FNIP1: variants seen among roughly 807,000 people sequenced by gnomAD.
FNIP1 encodes the protein folliculin-interacting protein 1.
Under a neutral mutation model 124.5 loss-of-function variants are expected in FNIP1, and 40 were observed. The observed-to-expected ratio is 0.32, with a 90% CI of 0.25 to 0.42. The LOEUF (loss-of-function observed/expected upper bound fraction) is 0.42, where lower values mean the gene tolerates loss of function less well. FNIP1 is among the 10% of genes least tolerant of loss of function. FNIP1 has a pLI of 1.00. For missense variants in FNIP1, 1,176 were observed against 1,403.7 expected (o/e 0.84, Z 2.59); for synonymous variants, 472 against 470.6 (o/e 1.00, Z -0.04).
rs1767755256 is a variant in FNIP1 at position 131,671,675 on chromosome 5, T to C, written c.2769A>G (p.Lys923=). The C allele has an allele frequency of 6.2e-7, 1 of 1,614,202 alleles. No individual in the cohort carries two copies. The highest frequency in any genetic ancestry group is 1.1e-5 in the South Asian group (1 of 91,090). The part of the protein sequence containing the change: ...VPHGDKESSD[K]KIAVGTEWDI... ...CCCATTCAGTTCCTACAGCAATTTT[T>C]TTATCTGAACTCTCTTTATCCCCAT... The change falls in exon 14 of 18, where the codon AAA becomes AAG. Residue 923 remains lysine (K), a synonymous_variant. Transcript: ENST00000510461.
At chr5:131,770,131 T>A (rs897013201) in intron 1 of FNIP1, among the ~76,000 whole-genome samples, 1 of 152,160 alleles carries the variant, frequency 6.6e-6, no homozygotes, top group Non-Finnish European at 1.5e-5. Flanking sequence ...CAAGTCCACA[T>A]ACACATTCCT....
intron 2 of FNIP1, among the ~76,000 whole-genome samples, chr5:131,737,728 C>G (rs1204333090): frequency 6.6e-6 from 1 of 152,100 alleles, no homozygotes; most frequent in Non-Finnish European, 1.5e-5. Context: ...TTAGCTGCTG[C>G]TATCATTATT....
At chr5:131,700,649 C>T (rs886513367) in intron 10 of FNIP1, among the ~76,000 whole-genome samples, 4 of 151,860 alleles carry the variant, frequency 2.6e-5, no homozygotes, top group South Asian at 2.1e-4. Context: ...ATCAGCAATG[C>T]TATTTTTAAA....
intron 2 of FNIP1, among the ~76,000 whole-genome samples, chr5:131,735,898 G>C (rs1770287624): frequency 6.6e-6 from 1 of 151,802 alleles, no homozygotes; most frequent in Non-Finnish European, 1.5e-5. Context: ...TATCTCCACA[G>C]AGCTGGGACT....
At position 131,735,389 on chromosome 5, in the gene FNIP1, C is replaced by T. The variant is rs977119368; in HGVS notation, c.220-4351G>A. ...CGAGTTAATGGGTGCAGCACACCAA[C>T]ATGGGACATGTATAGATATGTAACA... On this transcript the variant is annotated intron_variant, in intron 2 of 17. Transcript: ENST00000510461. Among the ~76,000 whole-genome samples the T allele has an allele frequency of 2.6e-5, 4 of 151,608 alleles. No individual in the cohort carries two copies. The East Asian group carries it at 7.7e-4, about 29-fold the overall frequency.
chr5:131,759,428 A>C (rs1771153249), intron 1 of FNIP1, among the ~76,000 whole-genome samples: 1 of 152,148 alleles, frequency 6.6e-6, no homozygotes, highest in Non-Finnish European at 1.5e-5. Flanking sequence ...CCATTAAAAA[A>C]ATGGCCAAAG....
At chr5:131,755,070 T>A (rs982531311) in intron 1 of FNIP1, among the ~76,000 whole-genome samples, 1 of 152,042 alleles carries the variant, frequency 6.6e-6, no homozygotes, top group Admixed American at 6.6e-5. Flanking sequence ...TGTTGCCAGA[T>A]TGAGTTCAAG....
At chr5:131,719,960 T>A (rs1769602362) in intron 3 of FNIP1, among the ~76,000 whole-genome samples, 1 of 152,188 alleles carries the variant, frequency 6.6e-6, no homozygotes, top group African/African-American at 2.4e-5. Context: ...CTAATGGCAT[T>A]TTTTACAAAA....
At chr5:131,729,493 T>C (rs1253409610) in intron 3 of FNIP1, among the ~76,000 whole-genome samples, 1 of 152,220 alleles carries the variant, frequency 6.6e-6, no homozygotes, top group Non-Finnish European at 1.5e-5. Context: ...CAGTTGGAAA[T>C]GCAGAAATCA....
chr5:131,703,682 C>T (rs1768979122), intron 10 of FNIP1, among the ~76,000 whole-genome samples: 1 of 152,170 alleles, frequency 6.6e-6, no homozygotes, highest in Non-Finnish European at 1.5e-5. Flanking sequence ...ATTAGTAATC[C>T]TTCCTTGCAG....
chr5:131,733,129 T>C (rs1413902328), intron 2 of FNIP1, among the ~76,000 whole-genome samples: 2 of 152,116 alleles, frequency 1.3e-5, no homozygotes, highest in Non-Finnish European at 2.9e-5. Context: ...GGCTCTCTGT[T>C]TGTCTGTTAT....
At chr5:131,785,387 G>A (rs986926458) in intron 1 of FNIP1, among the ~76,000 whole-genome samples, 9 of 151,044 alleles carry the variant, frequency 6.0e-5, no homozygotes, top group Non-Finnish European at 1.0e-4. Context: ...AAACCCCGCC[G>A]CTACTAAAAA....
At chr5:131,697,968 CAAA>C (rs753487190) in intron 11 of FNIP1, among the ~76,000 whole-genome samples, 6 of 58,768 alleles carry the variant, frequency 1.0e-4, no homozygotes, top group African/African-American at 1.3e-4. Context: ...GACTCCACCT[CAAA>C]AAAAAAAAAA....
At chr5:131,796,729 G>A in intron 1 of FNIP1, 101 bp downstream of exon 1, 1 of 1,113,564 alleles carries the variant, frequency 9.0e-7, no homozygotes, top group Non-Finnish European at 1.3e-6. Context: ...CTCTCGGCGC[G>A]GCGCTTCCGC....
chr5:131,787,544 C>A lies in FNIP1; in HGVS notation c.92+9286G>T, dbSNP rs187398660. On this transcript the variant is annotated intron_variant, in intron 1 of 17. Coordinates refer to ENST00000510461, the MANE Select transcript of FNIP1 (RefSeq NM_133372.3). ...TTGAACTTGGTTAAGAACAAAGGCT[C>A]TAGAACTTAAACATCTAAGTTCAAA... Among the ~76,000 whole-genome samples, 151 of 152,306 alleles carry A rather than the reference C, an allele frequency of 9.9e-4. 1 individual carries two copies. The highest frequency in any genetic ancestry group is 3.5e-3 in the African/African-American group (144 of 41,558).
At chr5:131,728,322 C>A (rs1159496154) in intron 3 of FNIP1, among the ~76,000 whole-genome samples, 1 of 152,084 alleles carries the variant, frequency 6.6e-6, no homozygotes, top group East Asian at 1.9e-4. Context: ...ACCAATCAAA[C>A]ACAGGTTTGG....
At chr5:131,719,454 T>A in intron 3 of FNIP1, 37 bp from the exon 4 acceptor site, 1 of 1,515,922 alleles carries the variant, frequency 6.6e-7, no homozygotes, top group Non-Finnish European at 9.0e-7. Flanking sequence ...CTGTGTTAAT[T>A]AAAAGCTTAT....
chr5:131,754,954 T>C (rs1446284310), intron 1 of FNIP1, among the ~76,000 whole-genome samples: 1 of 152,078 alleles, frequency 6.6e-6, no homozygotes, highest in Admixed American at 6.5e-5. Context: ...ATATGGGGAA[T>C]AAAGGATGAG....
chr5:131,760,291 G>C (rs1771183771), intron 1 of FNIP1, among the ~76,000 whole-genome samples: 1 of 151,796 alleles, frequency 6.6e-6, no homozygotes. Flanking sequence ...GGCTCCTTGG[G>C]GGAATATAAG....
Sources: allele counts gnomAD v4.1 joint callset (sites outside exome capture counted in the v4.1 genomes callset), GRCh38; gene constraint gnomAD v4.1.1; transcripts MANE v1.5; gene names NCBI Gene and HGNC (gene_info 2026-07-23, HGNC 2026-07-21).